Variants in PISD observed in about 807,000 individuals in gnomAD.
The protein encoded by PISD is phosphatidylserine decarboxylase proenzyme, mitochondrial.
A neutral mutation model predicts 43.5 loss-of-function variants in PISD; 31 were observed. The ratio of observed to expected loss-of-function variants is 0.71; its 90% CI spans 0.54 to 0.96. PISD has a LOEUF of 0.96. Ranked by LOEUF, PISD falls within the 40% of genes least tolerant of loss-of-function variation. The probability of loss-of-function intolerance (pLI) is 0.00; values close to 1 mark genes in which losing one functional copy is unlikely to be tolerated. For missense variants in PISD, 523 were observed against 548.4 expected (o/e 0.95, Z 0.46); for synonymous variants, 259 against 228.7 (o/e 1.13, Z -1.20).
At position 31,619,088 on chromosome 22, in the gene PISD, T is replaced by G; in HGVS notation, c.*524A>C. ...AGACTGCTTTTTCTAAAGAGCAGGA[T>G]GAGGTGAATGTGGGAACGGAAAGCA... On this transcript the variant is annotated 3_prime_UTR_variant, in exon 8 of 8. Transcript: ENST00000439502. The G allele has an allele frequency of 4.2e-6, 1 of 240,716 alleles. No individual in the cohort carries two copies. The highest frequency in any genetic ancestry group is 1.1e-4 in the East Asian group (1 of 8,784). The allele number at this position is 240,716 out of a possible 1,614,324, so 14.9% of individuals were successfully genotyped here. A position where few individuals can be genotyped will look rare whatever the true frequency, so the allele number is the denominator to read the frequency against.
At chr22:31,632,949 GAAGATCCC>G (rs2073271623) in intron 3 of PISD, among the ~76,000 whole-genome samples, 1 of 152,150 alleles carries the variant, frequency 6.6e-6, no homozygotes, top group Non-Finnish European at 1.5e-5. Flanking sequence ...GCTTAAAGGT[GAAGATCCC>G]AAGAACCTAT....
chr22:31,646,859 T>C (rs1354519369), intron 3 of PISD, among the ~76,000 whole-genome samples: 2 of 152,274 alleles, frequency 1.3e-5, no homozygotes, highest in Admixed American at 6.5e-5. Context: ...ATTTGTGATA[T>C]AGTACCGGAA....
At chr22:31,639,180 C>CTTT (rs60020183) in intron 3 of PISD, among the ~76,000 whole-genome samples, 12 of 133,516 alleles carry the variant, frequency 9.0e-5, no homozygotes, top group Non-Finnish European at 1.3e-4. Flanking sequence ...TTTCCTTTTT[C>CTTT]TTTTTTTTTT....
chr22:31,631,836 C>T (rs1261294197), intron 3 of PISD, among the ~76,000 whole-genome samples: 5 of 152,138 alleles, frequency 3.3e-5, no homozygotes, highest in African/African-American at 4.8e-5. Flanking sequence ...GTGAGTTGGC[C>T]CTAGAAGTCT....
At chr22:31,653,912 G>A (rs1010851072) in intron 1 of PISD, among the ~76,000 whole-genome samples, 13 of 152,230 alleles carry the variant, frequency 8.5e-5, no homozygotes, top group African/African-American at 2.6e-4. Flanking sequence ...TTACGGGATC[G>A]TCCCGATTTT....
chr22:31,619,344 C>G lies in PISD; in HGVS notation c.*268G>C. The G allele has an allele frequency of 3.9e-6, 2 of 515,246 alleles. No individual in the cohort carries two copies. Among genetic ancestry groups the G allele is most frequent in the Non-Finnish European group, 7.3e-6 (2 of 275,780 alleles). 31.9% of individuals were successfully genotyped at this position (515,246 alleles called of 1,614,324 possible). On this transcript the variant is annotated 3_prime_UTR_variant, in exon 8 of 8. Transcript: ENST00000439502. ...CGTCTATACAGTGTTTAAAAAGATC[C>G]AAATGTGACTGAGATCATTCCAGCC...
At chr22:31,647,001 T>C (rs113703448) in intron 3 of PISD, among the ~76,000 whole-genome samples, 1 of 151,942 alleles carries the variant, frequency 6.6e-6, no homozygotes, top group African/African-American at 2.4e-5. Context: ...GCTGGATCTG[T>C]ATGGCCAGTT....
At position 31,630,572 on chromosome 22, in the gene PISD, G is replaced by C. The variant is rs1480439068; in HGVS notation, c.322-8687C>G. The stretch of plus-strand genomic sequence containing the variant: ...GGAGGAAGTGAGCTCACGCAGCCCG[G>C]GCCGTGCCCACGTGGGGACGGAAAA... On this transcript the variant is annotated intron_variant, in intron 3 of 7. Transcript: ENST00000439502. The surrounding 1 kb of genome is among the most constrained non-coding windows in gnomAD (Gnocchi z 4.4). 4.0e-6 allele frequency: 1 copy of C among 250,224 alleles called. No individual in the cohort carries two copies. The highest frequency in any genetic ancestry group is 2.3e-5 in the African/African-American group (1 of 43,264). The allele number at this position is 250,224 out of a possible 1,614,324, so 15.5% of individuals were successfully genotyped here.
At chr22:31,661,123 A>C (rs778138606) in intron 1 of PISD, among the ~76,000 whole-genome samples, 1 of 152,220 alleles carries the variant, frequency 6.6e-6, no homozygotes, top group Non-Finnish European at 1.5e-5. Flanking sequence ...CCCAAATTCT[A>C]ACAGTTACCA....
At position 31,625,940 on chromosome 22, in the gene PISD, G is replaced by C. The variant is rs554228066; in HGVS notation, c.322-4055C>G. On this transcript the variant is annotated intron_variant, in intron 3 of 7. Coordinates refer to ENST00000439502, the MANE Select transcript of PISD (RefSeq NM_001326411.2). ...ACTGCTCCAGGGCCTCTGCCTCTGC[G>C]AGGCTGGTTGGTGGCGCCGCTTCCT... 7.1e-5 allele frequency: 107 copies of C among 1,500,910 alleles called. No individual in the cohort carries two copies. In the South Asian group the frequency reaches 1.3e-3, roughly 18 times the overall value. The allele number at this position is 1,500,910 out of a possible 1,614,324, so 93.0% of individuals were successfully genotyped here.
chr22:31,628,959 A>C, intron 3 of PISD: 1 of 985,470 alleles, frequency 1.0e-6, no homozygotes, highest in Non-Finnish European at 1.2e-6. Flanking sequence ...ACAGGAACCC[A>C]AACTTGCGCG....
chr22:31,638,301 C>T (rs904250739), intron 3 of PISD: 5 of 880,210 alleles, frequency 5.7e-6, no homozygotes, highest in Non-Finnish European at 6.8e-6. Flanking sequence ...AGCAGCCCCA[C>T]GTCCCTTCTG....
In PISD at chr22:31,619,639, G is replaced by A. The variant is rs1213083245; in HGVS notation, c.1203C>T (p.Arg401=). The A allele has an allele frequency of 6.2e-7, 1 of 1,614,120 alleles. No individual in the cohort carries two copies. Among genetic ancestry groups the A allele is most frequent in the East Asian group, 2.2e-5 (1 of 44,878 alleles). Residue 401 remains arginine (R), a synonymous_variant, in exon 8 of 8, where the codon CGC becomes CGT. Coordinates refer to ENST00000439502, the MANE Select transcript of PISD (RefSeq NM_001326411.2). ...NFQLKTGQKI[R]FGEALGSL is the part of the protein sequence containing the mutation. ...AGAGCGAGCCCAGGGCTTCCCCAAA[G>A]CGGATTTTCTGTCCTGTTTTCAGCT... is the stretch of plus-strand genomic sequence containing the variant.
rs1359388011 is a variant in PISD at position 31,618,694 on chromosome 22, G to C, written c.*918C>G. ...GTCCCCGCCACTGGGGGCTCCCCAG[G>C]CCTGCGTTCCTGATAAACTGGGACA... On this transcript the variant is annotated 3_prime_UTR_variant, in exon 8 of 8. Coordinates refer to ENST00000439502, the MANE Select transcript of PISD (RefSeq NM_001326411.2). The C allele has an allele frequency of 3.0e-6, 1 of 333,708 alleles. No individual in the cohort carries two copies. The highest frequency in any genetic ancestry group is 5.4e-6 in the Non-Finnish European group (1 of 185,412). 20.7% of individuals were successfully genotyped at this position (333,708 alleles called of 1,614,324 possible).
chr22:31,626,008 G>C (rs1302246408), intron 3 of PISD: 1 of 1,443,496 alleles, frequency 6.9e-7, no homozygotes. Flanking sequence ...GCAGAATAGA[G>C]GGTCAGGGCT....
At chr22:31,624,712 G>GACACACACACACACACACACAC (rs55946723) in intron 3 of PISD, among the ~76,000 whole-genome samples, 1 of 111,904 alleles carries the variant, frequency 8.9e-6, no homozygotes, top group African/African-American at 3.6e-5. Flanking sequence ...AGCAAAGGTG[G>GACACACACACACACACACACAC]ACACACACAC....
At chr22:31,631,671 T>G (rs563736029) in intron 3 of PISD, among the ~76,000 whole-genome samples, 1 of 152,292 alleles carries the variant, frequency 6.6e-6, no homozygotes, top group African/African-American at 2.4e-5. Flanking sequence ...CGACAAGCAC[T>G]CAGCCCACAT....
intron 3 of PISD, among the ~76,000 whole-genome samples, chr22:31,637,311 T>C (rs1382682004): frequency 6.7e-6 from 1 of 149,206 alleles, no homozygotes; most frequent in African/African-American, 2.5e-5. Flanking sequence ...TGCAGTAAGC[T>C]GTGATCACAC....
intron 1 of PISD, among the ~76,000 whole-genome samples, chr22:31,652,614 C>T (rs1329052268): frequency 2.0e-5 from 3 of 151,754 alleles, no homozygotes; most frequent in Non-Finnish European, 4.4e-5. Flanking sequence ...CGAGACCAGC[C>T]TGGCCAACAT....
Sources: allele counts gnomAD v4.1 joint callset (sites outside exome capture counted in the v4.1 genomes callset), GRCh38; gene constraint gnomAD v4.1.1; non-coding constraint Gnocchi (gnomAD v3.1); transcripts MANE v1.5; gene names NCBI Gene and HGNC (gene_info 2026-07-23, HGNC 2026-07-21).